Variants in HS6ST3 observed in about 807,000 individuals in gnomAD.
HS6ST3 encodes heparan-sulfate 6-O-sulfotransferase 3.
Under a neutral mutation model 36.7 loss-of-function variants are expected in HS6ST3, and 12 were observed. That is an observed-to-expected ratio of 0.33 (90% CI 0.21 to 0.53). HS6ST3 has a LOEUF of 0.53. Among genes scored for constraint, HS6ST3 ranks in the 20% least tolerant of loss-of-function variants. The pLI, the probability that HS6ST3 is intolerant of heterozygous loss-of-function variation, is 0.95. For synonymous variants in HS6ST3, 240 were observed against 257.5 expected (o/e 0.93, Z 0.65); for missense variants, 584 against 640.9 (o/e 0.91, Z 0.96).
chr13:96,743,228 A>G (rs1211436110), intron 1 of HS6ST3, among the ~76,000 whole-genome samples: 1 of 152,142 alleles, frequency 6.6e-6, no homozygotes, highest in African/African-American at 2.4e-5. Flanking sequence ...GCTGTTTCAG[A>G]TCATTCTTTG....
At chr13:96,620,795 A>G (rs1269032845) in intron 1 of HS6ST3, among the ~76,000 whole-genome samples, 3 of 150,406 alleles carry the variant, frequency 2.0e-5, no homozygotes, top group African/African-American at 4.8e-5. Context: ...TGCTGGAAAT[A>G]TAAGCCATAT....
chr13:96,614,364 A>G (rs749649364), intron 1 of HS6ST3, among the ~76,000 whole-genome samples: 13 of 150,348 alleles, frequency 8.6e-5, no homozygotes, highest in Non-Finnish European at 1.3e-4. Flanking sequence ...ACATAGAGAT[A>G]TCTCTTGGGA....
intron 1 of HS6ST3, among the ~76,000 whole-genome samples, chr13:96,311,266 G>A (rs1210976196): frequency 6.6e-6 from 1 of 152,076 alleles, no homozygotes; most frequent in African/African-American, 2.4e-5. Context: ...GAAGAACCTT[G>A]GTAATGTTGC....
chr13:96,215,095 G>C (rs988983141), intron 1 of HS6ST3, among the ~76,000 whole-genome samples: 2 of 152,184 alleles, frequency 1.3e-5, no homozygotes, highest in African/African-American at 4.8e-5. Flanking sequence ...TTTTGCCATG[G>C]GATGAGGATG....
intron 1 of HS6ST3, among the ~76,000 whole-genome samples, chr13:96,792,747 G>C (rs76643396): frequency 1.3e-3 from 192 of 152,134 alleles, no homozygotes; most frequent in African/African-American, 4.3e-3. Context: ...TGAGCACAGA[G>C]CTTCACTTAT....
chr13:96,617,372 CTGTTA>C (rs1335945715), intron 1 of HS6ST3, among the ~76,000 whole-genome samples: 1 of 152,172 alleles, frequency 6.6e-6, no homozygotes, highest in Non-Finnish European at 1.5e-5. Flanking sequence ...GGATATTCAT[CTGTTA>C]TGTTAACTAC....
chr13:96,179,955 G>A (rs964734435), intron 1 of HS6ST3, among the ~76,000 whole-genome samples: 10 of 151,970 alleles, frequency 6.6e-5, no homozygotes, highest in African/African-American at 1.5e-4. Flanking sequence ...TCAGCCTACC[G>A]AGTAACTGGG....
intron 1 of HS6ST3, among the ~76,000 whole-genome samples, chr13:96,396,618 C>A (rs773634670): frequency 1.2e-4 from 19 of 152,034 alleles, no homozygotes; most frequent in Middle Eastern, 3.2e-3. Flanking sequence ...CAGTGACATA[C>A]CACTGATAGC....
At chr13:96,528,522 A>C (rs74106500) in intron 1 of HS6ST3, among the ~76,000 whole-genome samples, 2,709 of 152,274 alleles carry the variant, frequency 0.018, 83 homozygotes, top group African/African-American at 0.061. Flanking sequence ...ATAAAATATG[A>C]CAACATTTAA....
At chr13:96,754,019 A>G (rs986409801) in intron 1 of HS6ST3, among the ~76,000 whole-genome samples, 25 of 152,062 alleles carry the variant, frequency 1.6e-4, no homozygotes, top group African/African-American at 5.3e-4. Flanking sequence ...GGGTTTCACC[A>G]TGTTGGCCAG....
In HS6ST3 at chr13:96,835,782, T is replaced by G. The variant is rs1878913302; in HGVS notation, c.*2584T>G. 1 of 152,256 alleles carries G rather than the reference T, an allele frequency of 6.6e-6. No homozygotes were observed. The highest frequency in any genetic ancestry group is 2.1e-4 in the South Asian group (1 of 4,826). 9.4% of individuals were successfully genotyped at this position (152,256 alleles called of 1,614,324 possible). ...GCCCCTGCTCACTTCACGCTGTTCC[T>G]TAGGCACCTCGGGATTGGTATCAAA... On this transcript the variant is annotated 3_prime_UTR_variant, in exon 2 of 2. Coordinates refer to ENST00000376705, the MANE Select transcript of HS6ST3 (RefSeq NM_153456.4).
At chr13:96,660,064 G>A (rs2056641143) in intron 1 of HS6ST3, among the ~76,000 whole-genome samples, 1 of 151,840 alleles carries the variant, frequency 6.6e-6, no homozygotes. Context: ...TTTTTATTAA[G>A]TATACTGAAT....
At chr13:96,290,008 T>G (rs2139398310) in intron 1 of HS6ST3, among the ~76,000 whole-genome samples, 1 of 152,268 alleles carries the variant, frequency 6.6e-6, no homozygotes, top group Middle Eastern at 3.4e-3. Flanking sequence ...CAAGGAGGAC[T>G]TATCTTCCGA....
In HS6ST3 at chr13:96,803,202, C is replaced by G. The variant is rs143238611; in HGVS notation, c.708-29288C>G. On this transcript the variant is annotated intron_variant, in intron 1 of 1. Transcript: ENST00000376705. The stretch of plus-strand genomic sequence containing the variant: ...GTTTGTTGATGCCAGTGTTGCATGT[C>G]AAAATTGTTCAGCCTATTTCAAGTC... 3.6e-3 allele frequency among the ~76,000 whole-genome samples: 550 copies of G among 152,280 alleles called. 4 individuals are homozygous for G. Among genetic ancestry groups the G allele is most frequent in the African/African-American group, 0.013 (528 of 41,566 alleles).
chr13:96,675,548 G>T (rs1431372026), intron 1 of HS6ST3, among the ~76,000 whole-genome samples: 1 of 152,010 alleles, frequency 6.6e-6, no homozygotes, highest in Non-Finnish European at 1.5e-5. Flanking sequence ...TGTCATATCT[G>T]TGGAATGACA....
rs1878518674 is a variant in HS6ST3 at position 96,820,829 on chromosome 13, GGACAGC to G, written c.708-11660_708-11655del. On this transcript the variant is annotated intron_variant, in intron 1 of 1. Coordinates refer to ENST00000376705, the MANE Select transcript of HS6ST3 (RefSeq NM_153456.4). ...AATCTCTTCCTGAATACAGGCTTTG[GGACAGC>G]CAACTTCAGGATTCAGCAACCTTCT... is the stretch of plus-strand genomic sequence containing the variant. Among the ~76,000 whole-genome samples the G allele has an allele frequency of 2.0e-5, 3 of 152,274 alleles. No individual in the cohort carries two copies. The South Asian group carries it at 6.2e-4, about 32-fold the overall frequency.
intron 1 of HS6ST3, among the ~76,000 whole-genome samples, chr13:96,362,928 C>T (rs1043664257): frequency 6.6e-6 from 1 of 152,118 alleles, no homozygotes; most frequent in African/African-American, 2.4e-5. Context: ...TGATTCCATT[C>T]CACATGATTC....
intron 1 of HS6ST3, among the ~76,000 whole-genome samples, chr13:96,231,144 G>C (rs1350549291): frequency 6.6e-6 from 1 of 152,022 alleles, no homozygotes; most frequent in African/African-American, 2.4e-5. Context: ...GTTGAGGGAG[G>C]GATTGGAGAA....
intron 1 of HS6ST3, among the ~76,000 whole-genome samples, chr13:96,259,912 G>A (rs1160618100): frequency 6.6e-6 from 1 of 150,974 alleles, no homozygotes; most frequent in African/African-American, 2.4e-5. Flanking sequence ...TTAAACTGTT[G>A]GCTGCATTAA....
Sources: gnomAD v4.1 joint callset for allele counts (sites outside exome capture counted in the v4.1 genomes callset) on GRCh38, gnomAD v4.1.1 for gene constraint, MANE v1.5 for transcripts, NCBI Gene and HGNC (gene_info 2026-07-23, HGNC 2026-07-21) for gene names.